CSPG4: variants seen among roughly 807,000 people sequenced by gnomAD.
CSPG4 encodes chondroitin sulfate proteoglycan 4 (melanoma-associated).
In CSPG4, 74 loss-of-function variants were observed where a neutral mutation model predicts 139.3. The ratio of observed to expected loss-of-function variants is 0.53; its 90% CI spans 0.44 to 0.64. CSPG4 has a LOEUF of 0.64. Ranked by LOEUF, CSPG4 falls within the 30% of genes least tolerant of loss-of-function variation. The probability of loss-of-function intolerance (pLI) is 0.00; values close to 1 mark genes in which losing one functional copy is unlikely to be tolerated. For missense variants in CSPG4, 2,565 were observed against 3,148.3 expected (o/e 0.81, Z 4.43); for synonymous variants, 1,234 against 1,394.2 (o/e 0.89, Z 2.56).
In CSPG4 at chr15:75,687,945, G is replaced by C. The variant is rs761469166; in HGVS notation, c.3120C>G (p.Asp1040Glu). 3 of 1,612,926 alleles carry C rather than the reference G, an allele frequency of 1.9e-6. No individual in the cohort carries two copies. In the African/African-American group the frequency reaches 4.0e-5, roughly 21 times the overall value. Residue 1040 changes from aspartate (D) to glutamate (E), a missense_variant, in exon 3 of 10, where the codon GAC becomes GAG. Physicochemically the swap from Asp to Glu is conservative, Grantham distance 45. Transcript: ENST00000308508. This position sits in a 1 kb window ranked among gnomAD's most constrained non-coding sequence, Gnocchi z 5.4. ...AGTCAGCATCGCTGAAGGCCACGTC[G>C]TCTGTAGTCAGCAGCCGCCGCCCAC... ...ARGGRRLLTTDDVAFSDADSG... is the reference protein window; with the variant it reads ...ARGGRRLLTTEDVAFSDADSG...
At position 75,676,836 on chromosome 15, in the gene CSPG4, T is replaced by C; in HGVS notation, c.5683A>G (p.Thr1895Ala). 1 of 1,556,296 alleles carries C rather than the reference T, an allele frequency of 6.4e-7. No individual in the cohort carries two copies. The highest frequency in any genetic ancestry group is 8.7e-7 in the Non-Finnish European group (1 of 1,152,430). ...GGGLGPVTRFTQADVDSGRLA... is the reference protein window; with the variant it reads ...GGGLGPVTRFAQADVDSGRLA... Reference sequence around the variant, plus strand: ...CGCCCTGAATCCACATCGGCTTGCGTGAAGCGGGTCACGGGCCCCAGGCCA... The same window carrying C: ...CGCCCTGAATCCACATCGGCTTGCGCGAAGCGGGTCACGGGCCCCAGGCCA... Residue 1895 changes from threonine (T) to alanine (A), a missense_variant, in exon 10 of 10, where the codon ACG (threonine) becomes GCG (alanine). Thr to Ala is a moderately conservative substitution (Grantham distance 58). Transcript: ENST00000308508.
intron 1 of CSPG4, among the ~76,000 whole-genome samples, chr15:75,703,781 G>A (rs1054594721): frequency 2.9e-5 from 4 of 137,254 alleles, no homozygotes; most frequent in South Asian, 2.3e-4. Flanking sequence ...CCTTGGCTGC[G>A]CTTGTAGGGG....
At chr15:75,709,718 C>T (rs1340143841) in intron 1 of CSPG4, among the ~76,000 whole-genome samples, 2 of 152,168 alleles carry the variant, frequency 1.3e-5, no homozygotes, top group African/African-American at 4.8e-5. Flanking sequence ...ACAGCCTATA[C>T]ACTTCCTCTG....
At chr15:75,686,953 C>A (rs1337702157) in intron 3 of CSPG4, among the ~76,000 whole-genome samples, 1 of 152,126 alleles carries the variant, frequency 6.6e-6, no homozygotes, top group African/African-American at 2.4e-5. Context: ...AGGGAACTGA[C>A]TGCAATGGAG....
Position 75,677,297 on chromosome 15 carries a change from T to A in CSPG4, c.5222A>T (p.Gln1741Leu). 1 of 1,455,012 alleles carries A rather than the reference T, an allele frequency of 6.9e-7. No homozygotes were observed. Among genetic ancestry groups the A allele is most frequent in the Non-Finnish European group, 9.1e-7 (1 of 1,099,676 alleles). 90.1% of individuals were successfully genotyped at this position (1,455,012 alleles called of 1,614,324 possible). Residue 1741 changes from glutamine (Q) to leucine (L), a missense_variant, in exon 10 of 10, where the codon CAG becomes CTG. This residue lies in a region of CSPG4 where 2,316 missense variants were observed against 2,818.2 expected (regional missense o/e 0.82). Transcript: ENST00000308508. ...SNLLASVPSP[Q>L]RSEHDVLFQV... ...GAAGAGCACATCATGCTCTGAGCGC[T>A]GGGGTGATGGAACGCTGGCCAAGAG... is the stretch of plus-strand genomic sequence containing the variant.
At chr15:75,710,148 A>G (rs1328104720) in intron 1 of CSPG4, among the ~76,000 whole-genome samples, 4 of 152,108 alleles carry the variant, frequency 2.6e-5, no homozygotes, top group Non-Finnish European at 5.9e-5. Context: ...GTAACACACA[A>G]GCCCTCCCTG....
Position 75,675,822 on chromosome 15 carries a change from G to T in CSPG4, c.6697C>A (p.Leu2233Ile), listed in dbSNP as rs760070850. The T allele has an allele frequency of 1.9e-6, 3 of 1,613,074 alleles. No homozygotes were observed. Among genetic ancestry groups the T allele is most frequent in the Non-Finnish European group, 2.5e-6 (3 of 1,180,010 alleles). Reference sequence around the variant, plus strand: ...GGCAGGATGAGCGCCAGGAGCAGAAGTACCAGGCACATGGGGATGATGACG... The same window carrying T: ...GGCAGGATGAGCGCCAGGAGCAGAATTACCAGGCACATGGGGATGATGACG... Reference protein sequence around the residue: ...FSVIIPMCLVLLLLALILPLL... With the variant: ...FSVIIPMCLVILLLALILPLL... The change falls in exon 10 of 10, where the codon CTT (leucine) becomes ATT (isoleucine). Residue 2233 changes from leucine to isoleucine, a missense_variant. Physicochemically the swap from Leu to Ile is conservative, Grantham distance 5. Coordinates refer to ENST00000308508, the MANE Select transcript of CSPG4 (RefSeq NM_001897.5).
Position 75,698,533 on chromosome 15 carries a change from C to G in CSPG4, c.89-5300G>C, listed in dbSNP as rs1392969644. On this transcript the variant is annotated intron_variant, in intron 1 of 9. Transcript: ENST00000308508. The surrounding 1 kb of genome is among the most constrained non-coding windows in gnomAD (Gnocchi z 4.3). Reference sequence around the variant, plus strand: ...TCTACTTCCAACCAAGCAGGCAGGGCATGGGTGAGTGTGTGCAGGAATGTG... The same window carrying G: ...TCTACTTCCAACCAAGCAGGCAGGGGATGGGTGAGTGTGTGCAGGAATGTG... 6.6e-6 allele frequency among the ~76,000 whole-genome samples: 1 copy of G among 152,008 alleles called. No individual in the cohort carries two copies. The highest frequency in any genetic ancestry group is 2.4e-5 in the African/African-American group (1 of 41,372).
intron 1 of CSPG4, among the ~76,000 whole-genome samples, chr15:75,702,886 AG>A (rs1894323862): frequency 6.7e-6 from 1 of 149,678 alleles, no homozygotes; most frequent in African/African-American, 2.5e-5. Flanking sequence ...GGCCATTCCC[AG>A]GCCCCCCTGC....
chr15:75,685,328 G>C lies in CSPG4; in HGVS notation c.4163C>G (p.Pro1388Arg). Residue 1388 changes from proline to arginine, a missense_variant, in exon 4 of 10, where the codon CCC (proline) becomes CGC (arginine). Physicochemically the swap from Pro to Arg is moderately radical, Grantham distance 103 (BLOSUM62 -2). This residue lies in a region of CSPG4 where 2,316 missense variants were observed against 2,818.2 expected (regional missense o/e 0.82). Coordinates refer to ENST00000308508, the MANE Select transcript of CSPG4 (RefSeq NM_001897.5). ...CTGCAGGCTGAGGCCCAGGAGAGTG[G>C]GGAAGTAGGGCCCGGAGACACGGAG... Reference protein sequence around the residue: ...PLLRVSGPYFPTLLGLSLQVL... With the variant: ...PLLRVSGPYFRTLLGLSLQVL... 1 of 1,606,288 alleles carries C rather than the reference G, an allele frequency of 6.2e-7. No homozygotes were observed. The highest frequency in any genetic ancestry group is 8.5e-7 in the Non-Finnish European group (1 of 1,176,006).
At chr15:75,692,355 A>C (rs539366051) in intron 2 of CSPG4, among the ~76,000 whole-genome samples, 104 of 152,288 alleles carry the variant, frequency 6.8e-4, no homozygotes, top group African/African-American at 2.5e-3. Flanking sequence ...CCTAGGCTCG[A>C]GTGATCTTCT....
chr15:75,704,945 C>T (rs147620837), intron 1 of CSPG4, among the ~76,000 whole-genome samples: 13 of 152,334 alleles, frequency 8.5e-5, no homozygotes, highest in African/African-American at 2.4e-4. Context: ...CAGAGAGGGA[C>T]TCGCGAGGGG....
chr15:75,677,903 C>G lies in CSPG4; in HGVS notation c.4951-17G>C. ...AGCGTAGACCTAGGGGAGACACCATCGTGGGGTGAGAGGCAGGTCCAGCCT... is the reference window on the plus strand; with the variant it reads ...AGCGTAGACCTAGGGGAGACACCATGGTGGGGTGAGAGGCAGGTCCAGCCT... On this transcript the variant is annotated splice_polypyrimidine_tract_variant and intron_variant, in intron 8 of 9. Transcript: ENST00000308508. 6.3e-7 allele frequency: 1 copy of G among 1,584,148 alleles called. No individual in the cohort carries two copies. Among genetic ancestry groups the G allele is most frequent in the Non-Finnish European group, 8.6e-7 (1 of 1,166,058 alleles).
At position 75,675,562 on chromosome 15, in the gene CSPG4, C is replaced by G; in HGVS notation, c.6957G>C (p.Gln2319His). The change falls in exon 10 of 10, where the codon CAG (glutamine) becomes CAC (histidine). Residue 2319 changes from glutamine to histidine, a missense_variant. This residue lies in a region of CSPG4 where 2,316 missense variants were observed against 2,818.2 expected (regional missense o/e 0.82). Coordinates refer to ENST00000308508, the MANE Select transcript of CSPG4 (RefSeq NM_001897.5). ...RTPNPALKNGQYWV is the reference protein window; with the variant it reads ...RTPNPALKNGHYWV ...CCCAGGCCAGGCCTCACACCCAGTA[C>G]TGGCCATTCTTAAGGGCAGGGTTGG... 6.6e-7 allele frequency: 1 copy of G among 1,507,266 alleles called. No individual in the cohort carries two copies. Among genetic ancestry groups the G allele is most frequent in the South Asian group, 1.4e-5 (1 of 73,786 alleles). 93.4% of individuals were successfully genotyped at this position (1,507,266 alleles called of 1,614,324 possible).
intron 3 of CSPG4, 141 bp from the exon 4 acceptor site, chr15:75,685,842 A>AACACACACGTGGGTTC (rs1566973344): frequency 2.2e-6 from 2 of 928,810 alleles, no homozygotes; most frequent in Admixed American, 6.0e-5. Flanking sequence ...TAGACACACA[A>AACACACACGTGGGTTC]ACACACACGT....
In CSPG4 at chr15:75,682,645, A is replaced by C; in HGVS notation, c.4745T>G (p.Leu1582Arg). The C allele has an allele frequency of 6.2e-7, 1 of 1,613,156 alleles. No individual in the cohort carries two copies. The highest frequency in any genetic ancestry group is 1.1e-5 in the South Asian group (1 of 91,078). Residue 1582 changes from leucine (L) to arginine (R), a missense_variant, in exon 7 of 10, where the codon CTC (leucine) becomes CGC (arginine). This residue lies in a region of CSPG4 where 2,316 missense variants were observed against 2,818.2 expected (regional missense o/e 0.82). Transcript: ENST00000308508. Reference sequence around the variant, plus strand: ...CAGTGTCTGGCTGCCCTTCAGCGAGAGGAGCACTTGCTTCTGGGCCGTCAC... The same window carrying C: ...CAGTGTCTGGCTGCCCTTCAGCGAGCGGAGCACTTGCTTCTGGGCCGTCAC... ...FRVTAQKQVL[L>R]SLKGSQTLTV...
At chr15:75,710,475 G>C (rs1253003586) in intron 1 of CSPG4, among the ~76,000 whole-genome samples, 1 of 152,082 alleles carries the variant, frequency 6.6e-6, no homozygotes, top group African/African-American at 2.4e-5. Flanking sequence ...CTCGAAGCAG[G>C]GCTGGGGGCT....
chr15:75,710,548 A>C (rs906053853), intron 1 of CSPG4, among the ~76,000 whole-genome samples: 5 of 152,074 alleles, frequency 3.3e-5, no homozygotes, highest in African/African-American at 1.2e-4. Flanking sequence ...CTGGGGCCTC[A>C]GTTTCCCTCT....
rs1283307067 is a variant in CSPG4, at chr15:75,682,285, G to T, written c.4950+8C>A. On this transcript the variant is annotated splice_region_variant and intron_variant, in intron 8 of 9. Coordinates refer to ENST00000308508, the MANE Select transcript of CSPG4 (RefSeq NM_001897.5). ...ATCTGAGTGGTGGCTGCAAAGTTGGGCCCTTACCTCTGCCTGAGTGAAGTT... is the reference window on the plus strand; with the variant it reads ...ATCTGAGTGGTGGCTGCAAAGTTGGTCCCTTACCTCTGCCTGAGTGAAGTT... 6.3e-7 allele frequency: 1 copy of T among 1,596,608 alleles called. No individual in the cohort carries two copies. Among genetic ancestry groups the T allele is most frequent in the South Asian group, 1.1e-5 (1 of 91,000 alleles).
Sources: allele counts gnomAD v4.1 joint callset (sites outside exome capture counted in the v4.1 genomes callset), GRCh38; gene constraint gnomAD v4.1.1; regional missense constraint gnomAD v4.1.1; non-coding constraint Gnocchi (gnomAD v3.1); transcripts MANE v1.5; gene names NCBI Gene and HGNC (gene_info 2026-07-23, HGNC 2026-07-21).